CAMK2A: variants seen among roughly 807,000 people sequenced by gnomAD.
The protein encoded by CAMK2A is calcium/calmodulin dependent protein kinase II alpha.
CAMK2A carries 7 observed loss-of-function variants against 79.2 expected under a neutral mutation model. The observed-to-expected ratio is 0.09, with a 90% CI of 0.05 to 0.17. CAMK2A has a LOEUF of 0.17. Among genes scored for constraint, CAMK2A ranks in the 10% least tolerant of loss-of-function variants. The probability of loss-of-function intolerance (pLI) is 1.00; values close to 1 mark genes in which losing one functional copy is unlikely to be tolerated. For missense variants in CAMK2A, 214 were observed against 646.4 expected, an observed-to-expected ratio of 0.33 and a Z score of 7.25; for synonymous variants, 242 against 251.7, an observed-to-expected ratio of 0.96 and a Z score of 0.36.
At chr5:150,225,077 TGA>T (rs1222337675) in intron 17 of CAMK2A, among the ~76,000 whole-genome samples, 24 of 89,126 alleles carry the variant, frequency 2.7e-4, no homozygotes, top group Non-Finnish European at 3.9e-4. Flanking sequence ...AGAGAGAAAG[TGA>T]GAGAGAGAGA....
rs186322212 is a variant in CAMK2A, at chr5:150,269,541, C to T, written c.157+3524G>A. ...TAATTTTTTATATTTTTAATAGGGA[C>T]GGGGGTCTCACCATGTTGCCCAGGC... On this transcript the variant is annotated intron_variant, in intron 2 of 18. Coordinates refer to ENST00000671881, the MANE Select transcript of CAMK2A (RefSeq NM_015981.4). Among the ~76,000 whole-genome samples, 267 of 151,160 alleles carry T rather than the reference C, an allele frequency of 1.8e-3. 1 individual carries two copies. The highest frequency in any genetic ancestry group is 6.8e-3 in the Middle Eastern group (2 of 292).
At chr5:150,224,910 C>T (rs1450022841) in intron 17 of CAMK2A, among the ~76,000 whole-genome samples, 1 of 151,988 alleles carries the variant, frequency 6.6e-6, no homozygotes, top group Non-Finnish European at 1.5e-5. Context: ...CCTGTAATTC[C>T]AACAGTTTAG....
chr5:150,256,612 C>T lies in CAMK2A; in HGVS notation c.372G>A (p.Leu124=), dbSNP rs1474451923. 6.2e-7 allele frequency: 1 copy of T among 1,613,890 alleles called. No individual in the cohort carries two copies. Among genetic ancestry groups the T allele is most frequent in the South Asian group, 1.1e-5 (1 of 91,050 alleles). Residue 124 remains leucine (L), a synonymous_variant, in exon 6 of 19, where the codon CTG becomes CTA. Transcript: ENST00000671881. This position sits in a 1 kb window ranked among gnomAD's most constrained non-coding sequence, Gnocchi z 4.6. ...GCACCACCCCCATCTGGTGGCAGTG[C>T]AGCACAGCCTCCAGGATCTGCTGGA... ...HCIQQILEAV[L]HCHQMGVVHR... is the part of the protein sequence containing the mutation.
At chr5:150,262,756 G>A (rs1756352115) in intron 3 of CAMK2A, among the ~76,000 whole-genome samples, 1 of 152,126 alleles carries the variant, frequency 6.6e-6, no homozygotes, top group African/African-American at 2.4e-5. Context: ...AGTCCTAGAA[G>A]GTGGGTGCTG....
chr5:150,261,978 C>T (rs1333159507), intron 3 of CAMK2A, among the ~76,000 whole-genome samples: 2 of 152,228 alleles, frequency 1.3e-5, no homozygotes, highest in African/African-American at 2.4e-5. Context: ...ACCTACTAAA[C>T]TTTCAGGTTG....
chr5:150,229,476 A>C (rs901240229), intron 16 of CAMK2A, among the ~76,000 whole-genome samples: 1 of 152,158 alleles, frequency 6.6e-6, no homozygotes, highest in Non-Finnish European at 1.5e-5. Flanking sequence ...CCCCAACTCC[A>C]TTGTACATAT....
chr5:150,264,475 C>T (rs1156701301), intron 3 of CAMK2A, among the ~76,000 whole-genome samples: 1 of 152,232 alleles, frequency 6.6e-6, no homozygotes, highest in Non-Finnish European at 1.5e-5. Context: ...TCTGTCCCAG[C>T]CTGCCATGGC....
rs533211871 is a variant in CAMK2A at position 150,274,966 on chromosome 5, G to A, written c.63-1807C>T. ...GACAAGGCAGAGGAGGATGCTGGCA[G>A]GCACCGAAGAAGCCTGCAGGCTAGC... On this transcript the variant is annotated intron_variant, in intron 1 of 18. Coordinates refer to ENST00000671881, the MANE Select transcript of CAMK2A (RefSeq NM_015981.4). 8.5e-5 allele frequency among the ~76,000 whole-genome samples: 13 copies of A among 152,372 alleles called. No homozygotes were observed. In the South Asian group the frequency reaches 2.5e-3, roughly 29 times the overall value.
Position 150,227,954 on chromosome 5 carries a change from C to G in CAMK2A, c.1237+238G>C, listed in dbSNP as rs1754674546. On this transcript the variant is annotated intron_variant, in intron 17 of 18. Transcript: ENST00000671881. The stretch of plus-strand genomic sequence containing the variant: ...GCCTGGGAGGGCTTGTCCTGTGTGT[C>G]CCTGGTCTCTGGGACCTCGCCTGCC... Among the ~76,000 whole-genome samples, 4 of 152,142 alleles carry G rather than the reference C, an allele frequency of 2.6e-5. No homozygotes were observed. In the South Asian group the frequency reaches 8.3e-4, roughly 32 times the overall value.
chr5:150,277,696 G>C (rs1221423310), intron 1 of CAMK2A, among the ~76,000 whole-genome samples: 1 of 152,224 alleles, frequency 6.6e-6, no homozygotes, highest in Non-Finnish European at 1.5e-5. Flanking sequence ...AAGGGTGCAT[G>C]GCTTTTATCA....
At chr5:150,242,433 C>T (rs1448756934) in intron 13 of CAMK2A, among the ~76,000 whole-genome samples, 1 of 152,190 alleles carries the variant, frequency 6.6e-6, no homozygotes, top group Non-Finnish European at 1.5e-5. Flanking sequence ...CACATCTCTG[C>T]CATTCCTGCA....
intron 15 of CAMK2A, among the ~76,000 whole-genome samples, chr5:150,234,909 C>A (rs1004442469): frequency 6.6e-6 from 1 of 152,202 alleles, no homozygotes; most frequent in Non-Finnish European, 1.5e-5. Context: ...CCTTCTGGGG[C>A]CCCGAAGTGA....
intron 17 of CAMK2A, among the ~76,000 whole-genome samples, chr5:150,225,946 T>C (rs893687712): frequency 6.6e-6 from 1 of 152,160 alleles, no homozygotes; most frequent in Non-Finnish European, 1.5e-5. Context: ...CGTTTCACCA[T>C]GTTGGCCAGA....
At chr5:150,247,682 T>TG in intron 12 of CAMK2A, 90 bp downstream of exon 12, 1 of 1,035,468 alleles carries the variant, frequency 9.7e-7, no homozygotes, top group Non-Finnish European at 1.5e-6. Context: ...CCAGGCCCAG[T>TG]GGCCTGGGGG....
At chr5:150,250,157 C>G (rs1468238028) in intron 11 of CAMK2A, 69 bp downstream of exon 11, 5 of 1,139,450 alleles carry the variant, frequency 4.4e-6, no homozygotes, top group Non-Finnish European at 6.7e-6. Context: ...AGCGAGTCTC[C>G]TGGCCTCTGT....
intron 1 of CAMK2A, among the ~76,000 whole-genome samples, chr5:150,282,329 C>G (rs1757251210): frequency 6.6e-6 from 1 of 152,222 alleles, no homozygotes. Flanking sequence ...CCAACATATT[C>G]CTTGTTTTGG....
chr5:150,243,473 C>T (rs1310541541), intron 13 of CAMK2A, among the ~76,000 whole-genome samples: 1 of 152,186 alleles, frequency 6.6e-6, no homozygotes, highest in Non-Finnish European at 1.5e-5. Context: ...CGGGTTGGCT[C>T]AGGGTTAACC....
chr5:150,235,396 C>A lies in CAMK2A; in HGVS notation c.1066+3304G>T, dbSNP rs187427143. 2.3e-3 allele frequency among the ~76,000 whole-genome samples: 358 copies of A among 152,388 alleles called. 2 individuals are homozygous for A. The highest frequency in any genetic ancestry group is 4.1e-3 in the Non-Finnish European group (279 of 68,044). ...AGTAGCAACCACTGGCCTTTCTCAT[C>A]TGCCAGCTGTTCACCCAGACAATCC... is the stretch of plus-strand genomic sequence containing the variant. On this transcript the variant is annotated intron_variant, in intron 15 of 18. Transcript: ENST00000671881.
At chr5:150,271,386 C>A (rs1185281661) in intron 2 of CAMK2A, among the ~76,000 whole-genome samples, 1 of 152,194 alleles carries the variant, frequency 6.6e-6, no homozygotes, top group Non-Finnish European at 1.5e-5. Flanking sequence ...AAGTGCTGAG[C>A]TCCCAGCAAC....
Sources: allele counts gnomAD v4.1 joint callset (sites outside exome capture counted in the v4.1 genomes callset), GRCh38; gene constraint gnomAD v4.1.1; non-coding constraint Gnocchi (gnomAD v3.1); transcripts MANE v1.5; gene names NCBI Gene and HGNC (gene_info 2026-07-23, HGNC 2026-07-21).